Variants in WDR41 observed in about 807,000 individuals in gnomAD.
WDR41 encodes WD repeat domain 41.
Under a neutral mutation model 69.3 loss-of-function variants are expected in WDR41, and 63 were observed. The ratio of observed to expected loss-of-function variants is 0.91; its 90% CI spans 0.74 to 1.12. WDR41 has a LOEUF of 1.12. WDR41 is among the 50% of genes most tolerant of loss of function. The pLI, the probability that WDR41 is intolerant of heterozygous loss-of-function variation, is 0.00. For synonymous variants in WDR41, 185 were observed against 192.1 expected, an observed-to-expected ratio of 0.96 and a Z score of 0.31; for missense variants, 543 against 534.5, an observed-to-expected ratio of 1.02 and a Z score of -0.16.
At chr5:77,453,971 G>C (rs1175959631) in intron 5 of WDR41, 43 bp from the exon 6 acceptor site, 2 of 1,474,450 alleles carry the variant, frequency 1.4e-6, no homozygotes, top group South Asian at 2.3e-5. Context: ...AGAAACTTAA[G>C]CAGTCATTGT....
At chr5:77,438,866 G>C (rs146048901) in intron 9 of WDR41, among the ~76,000 whole-genome samples, 46 of 152,104 alleles carry the variant, frequency 3.0e-4, no homozygotes, top group African/African-American at 1.1e-3. Flanking sequence ...TCCTCTGAAG[G>C]TTTCAAAAAA....
chr5:77,618,331 A>G (rs1405373726), intron 1 of WDR41, among the ~76,000 whole-genome samples: 1 of 152,098 alleles, frequency 6.6e-6, no homozygotes, highest in Non-Finnish European at 1.5e-5. Flanking sequence ...CTCTTTATGG[A>G]TAAAATCTGT....
At chr5:77,592,231 T>C (rs1744148665) in intron 1 of WDR41, among the ~76,000 whole-genome samples, 1 of 152,164 alleles carries the variant, frequency 6.6e-6, no homozygotes, top group African/African-American at 2.4e-5. Context: ...GTACTTAAGG[T>C]ATGGCACTAT....
At position 77,492,233 on chromosome 5, in the gene WDR41, G is replaced by T. The variant is rs748951938; in HGVS notation, c.-13C>A. The T allele has an allele frequency of 6.2e-7, 1 of 1,612,436 alleles. No homozygotes were observed. The highest frequency in any genetic ancestry group is 1.7e-5 in the Admixed American group (1 of 59,882). ...GCCATCGCAACATCCGGGCAGCGGC[G>T]GCGTCTTGCCCGGTCCAGCCCCAGT... On this transcript the variant is annotated 5_prime_UTR_variant, in exon 1 of 13. Transcript: ENST00000296679.
At chr5:77,574,275 G>T (rs1743786741) in intron 1 of WDR41, among the ~76,000 whole-genome samples, 1 of 152,046 alleles carries the variant, frequency 6.6e-6, no homozygotes, top group Non-Finnish European at 1.5e-5. Context: ...TCCAGCCTGG[G>T]CAACAGAGCG....
At chr5:77,475,054 C>G (rs1258622635) in intron 2 of WDR41, among the ~76,000 whole-genome samples, 7 of 152,200 alleles carry the variant, frequency 4.6e-5, no homozygotes, top group African/African-American at 7.2e-5. Context: ...AAAGGGGTGA[C>G]AGACGGCACC....
chr5:77,450,267 C>T (rs1323284443), intron 7 of WDR41, among the ~76,000 whole-genome samples: 1 of 152,154 alleles, frequency 6.6e-6, no homozygotes, highest in Non-Finnish European at 1.5e-5. Context: ...GTAAGCATTG[C>T]GACAGAATAA....
chr5:77,578,349 A>C lies in WDR41; in HGVS notation c.42+42130T>G, dbSNP rs79261049. On this transcript the variant is annotated intron_variant, in intron 1 of 5. Transcript: ENST00000509971. ...CCAGTGAGTCAGAAAACCAGCAAAC[A>C]AACAAACAACAGCAAGACCTGGGGG... Among the ~76,000 whole-genome samples, 749 of 152,302 alleles carry C rather than the reference A, an allele frequency of 4.9e-3. 10 individuals are homozygous for C. Among genetic ancestry groups the C allele is most frequent in the African/African-American group, 0.018 (728 of 41,564 alleles).
chr5:77,526,100 A>G (rs1802442319), intron 1 of WDR41, among the ~76,000 whole-genome samples: 1 of 152,208 alleles, frequency 6.6e-6, no homozygotes, highest in Non-Finnish European at 1.5e-5. Context: ...AATTTTAACT[A>G]TACACTAAAA....
intron 1 of WDR41, among the ~76,000 whole-genome samples, chr5:77,546,687 C>T (rs189488057): frequency 6.6e-6 from 1 of 152,176 alleles, no homozygotes; most frequent in African/African-American, 2.4e-5. Flanking sequence ...AGAATTCTAC[C>T]AGAGGTTCAA....
At chr5:77,498,009 A>T (rs973958226) in intron 1 of WDR41, among the ~76,000 whole-genome samples, 2 of 152,264 alleles carry the variant, frequency 1.3e-5, no homozygotes, top group African/African-American at 4.8e-5. Context: ...TAAATATTGT[A>T]TGATTCCACT....
intron 1 of WDR41, among the ~76,000 whole-genome samples, chr5:77,511,046 C>A (rs147532970): frequency 1.3e-5 from 2 of 152,012 alleles, no homozygotes; most frequent in African/African-American, 4.8e-5. Context: ...TGTGAGCCAC[C>A]ACACCCAGCC....
intron 1 of WDR41, chr5:77,582,917 A>C (rs1743967624): frequency 3.7e-6 from 6 of 1,609,612 alleles, no homozygotes. Flanking sequence ...TCTCTTGGTA[A>C]ATACGGCATT....
At chr5:77,469,858 G>A (rs1800491432) in intron 2 of WDR41, among the ~76,000 whole-genome samples, 1 of 152,106 alleles carries the variant, frequency 6.6e-6, no homozygotes, top group Non-Finnish European at 1.5e-5. Flanking sequence ...CACTCTGCAG[G>A]ATATTATACA....
intron 4 of WDR41, among the ~76,000 whole-genome samples, chr5:77,461,594 T>G (rs1321101752): frequency 6.6e-6 from 1 of 152,050 alleles, no homozygotes; most frequent in African/African-American, 2.4e-5. Flanking sequence ...TCCCAGCACT[T>G]TGGGATGCCA....
intron 2 of WDR41, among the ~76,000 whole-genome samples, chr5:77,471,059 A>C (rs760628142): frequency 1.3e-5 from 2 of 152,192 alleles, no homozygotes; most frequent in Non-Finnish European, 2.9e-5. Flanking sequence ...AAAAGAACAG[A>C]AATTATAACA....
At chr5:77,592,017 T>C (rs1386180669) in intron 1 of WDR41, among the ~76,000 whole-genome samples, 1 of 152,170 alleles carries the variant, frequency 6.6e-6, no homozygotes, top group African/African-American at 2.4e-5. Flanking sequence ...TATTTTTATA[T>C]GTTTTATTTG....
intron 1 of WDR41, among the ~76,000 whole-genome samples, chr5:77,576,843 T>C (rs1261822874): frequency 1.3e-5 from 2 of 152,176 alleles, no homozygotes; most frequent in African/African-American, 4.8e-5. Context: ...CTCAGACCAA[T>C]TACCTAAGCC....
Position 77,489,572 on chromosome 5 carries a change from T to C in WDR41, c.52A>G (p.Lys18Glu), listed in dbSNP as rs1457922888. The change falls in exon 2 of 13, where the codon AAA (lysine) becomes GAA (glutamate). Residue 18 changes from lysine (K) to glutamate (E), a missense_variant and splice_region_variant. Physicochemically the swap from Lys to Glu is moderately conservative, Grantham distance 56 (BLOSUM62 1). Coordinates refer to ENST00000296679, the MANE Select transcript of WDR41 (RefSeq NM_018268.4). Reference protein sequence around the residue: ...GGREPQGLAEKSPLQTIGEEQ... With the variant: ...GGREPQGLAEESPLQTIGEEQ... ...TCACCTATTGTCTGTAAAGGAGATT[T>C]CTTGTATTGAAAAAAAAAAAAAAGC... 4 of 1,516,002 alleles carry C rather than the reference T, an allele frequency of 2.6e-6. No individual in the cohort carries two copies. The African/African-American group carries it at 5.5e-5, about 21-fold the overall frequency. The allele number at this position is 1,516,002 out of a possible 1,614,324, so 93.9% of individuals were successfully genotyped here.
Sources: gnomAD v4.1 joint callset for allele counts (sites outside exome capture counted in the v4.1 genomes callset) on GRCh38, gnomAD v4.1.1 for gene constraint, MANE v1.5 for transcripts, NCBI Gene and HGNC (gene_info 2026-07-23, HGNC 2026-07-21) for gene names.